USH2A: variants seen among roughly 807,000 people sequenced by gnomAD.
USH2A encodes usherin.
USH2A carries 443 observed loss-of-function variants against 538.9 expected under a neutral mutation model. The observed-to-expected ratio is 0.82, with a 90% CI of 0.76 to 0.89. USH2A has a LOEUF of 0.89. Ranked by LOEUF, USH2A falls within the 40% of genes least tolerant of loss-of-function variation. The pLI, the probability that USH2A is intolerant of heterozygous loss-of-function variation, is 0.00. For missense variants in USH2A, 6,633 were observed against 6,324.8 expected, an observed-to-expected ratio of 1.05 and a Z score of -1.65; for synonymous variants, 2,413 against 2,273.5, an observed-to-expected ratio of 1.06 and a Z score of -1.75.
intron 21 of USH2A, among the ~76,000 whole-genome samples, chr1:216,141,255 C>T (rs1434184273): frequency 6.6e-6 from 1 of 152,178 alleles, no homozygotes; most frequent in East Asian, 1.9e-4. Flanking sequence ...AAAATTGCAG[C>T]CTCTTTCAAC....
chr1:215,654,674 T>C (rs943285779), intron 64 of USH2A, among the ~76,000 whole-genome samples: 1 of 152,224 alleles, frequency 6.6e-6, no homozygotes, highest in Non-Finnish European at 1.5e-5. Context: ...GATTAACTAC[T>C]TTTAATAAGC....
intron 32 of USH2A, among the ~76,000 whole-genome samples, chr1:216,043,463 A>T (rs948409309): frequency 4.6e-5 from 7 of 152,112 alleles, no homozygotes; most frequent in Non-Finnish European, 7.4e-5. Flanking sequence ...TTGGAGATAT[A>T]TTCTTTAAAA....
intron 3 of USH2A, among the ~76,000 whole-genome samples, chr1:216,374,285 A>AC (rs1253976665): frequency 1.7e-3 from 143 of 85,190 alleles, no homozygotes; most frequent in African/African-American, 3.7e-3. Context: ...AGCAGTGCCG[A>AC]CCCAAAAAAA....
chr1:216,017,200 T>C (rs1179678741), intron 32 of USH2A, among the ~76,000 whole-genome samples: 1 of 152,014 alleles, frequency 6.6e-6, no homozygotes, highest in Non-Finnish European at 1.5e-5. Context: ...TCTCGTGTTC[T>C]CTCTCTATCT....
chr1:216,184,140 T>A (rs1041176467), intron 20 of USH2A, among the ~76,000 whole-genome samples: 1 of 152,028 alleles, frequency 6.6e-6, no homozygotes, highest in African/African-American at 2.4e-5. Flanking sequence ...ATTACCAAAT[T>A]TCTCAGACTA....
intron 11 of USH2A, among the ~76,000 whole-genome samples, chr1:216,252,109 A>G (rs183154983): frequency 4.6e-5 from 7 of 152,372 alleles, no homozygotes; most frequent in African/African-American, 1.4e-4. Flanking sequence ...TTCTTTAAGC[A>G]TCTGGTTTGA....
chr1:215,918,317 G>A (rs1356644913), intron 38 of USH2A, among the ~76,000 whole-genome samples: 1 of 152,080 alleles, frequency 6.6e-6, no homozygotes, highest in African/African-American at 2.4e-5. Flanking sequence ...CCGCCAAGGA[G>A]ATAATATTAG....
chr1:216,387,401 T>A (rs2039025915), intron 3 of USH2A, among the ~76,000 whole-genome samples: 3 of 152,196 alleles, frequency 2.0e-5, no homozygotes, highest in African/African-American at 7.2e-5. Context: ...ATATAGCTGA[T>A]CTGATGAAAA....
chr1:215,882,018 A>G (rs1477491831), intron 41 of USH2A, among the ~76,000 whole-genome samples: 1 of 152,202 alleles, frequency 6.6e-6, no homozygotes, highest in African/African-American at 2.4e-5. Context: ...TTCAGGCTTG[A>G]AAAGAGTAAC....
At chr1:216,280,327 T>A (rs2036749611) in intron 11 of USH2A, among the ~76,000 whole-genome samples, 1 of 152,106 alleles carries the variant, frequency 6.6e-6, no homozygotes, top group African/African-American at 2.4e-5. Context: ...AATTATCATC[T>A]TTTTTGGTTC....
chr1:216,342,630 A>G (rs2038096406), intron 4 of USH2A, among the ~76,000 whole-genome samples: 1 of 152,184 alleles, frequency 6.6e-6, no homozygotes, highest in Non-Finnish European at 1.5e-5. Flanking sequence ...AATGTGGTAT[A>G]TATACACCAA....
chr1:215,695,201 T>C (rs1423937619), intron 61 of USH2A, among the ~76,000 whole-genome samples: 2 of 152,346 alleles, frequency 1.3e-5, no homozygotes, highest in South Asian at 2.1e-4. Context: ...CTTGCAGAAC[T>C]CTGCAGCATG....
Position 216,374,933 on chromosome 1 carries a change from A to G in USH2A, c.652-9848T>C, listed in dbSNP as rs150774504. ...TAAGAGATGAGTGGTCTTTAGGAACAAAGATTCGGTGCTAAGTAGATTCGT... is the reference window on the plus strand; with the variant it reads ...TAAGAGATGAGTGGTCTTTAGGAACGAAGATTCGGTGCTAAGTAGATTCGT... On this transcript the variant is annotated intron_variant, in intron 3 of 71. Transcript: ENST00000307340. Among the ~76,000 whole-genome samples, 1,031 of 152,246 alleles carry G rather than the reference A, an allele frequency of 6.8e-3. 18 individuals carry two copies. The highest frequency in any genetic ancestry group is 0.024 in the African/African-American group (1,000 of 41,554).
At chr1:215,709,928 C>T (rs1287022553) in intron 61 of USH2A, among the ~76,000 whole-genome samples, 4 of 152,132 alleles carry the variant, frequency 2.6e-5, no homozygotes, top group East Asian at 1.9e-4. Flanking sequence ...CTCTGTTAAG[C>T]TTAAAGGCTA....
Position 215,728,011 on chromosome 1 carries a change from C to G in USH2A, c.12066+19G>C. ...CACCAGATAATCTGCATGTCTGTTA[C>G]TTTTCTAAAGGGTCTTACCTTCACT... On this transcript the variant is annotated intron_variant, in intron 61 of 71. Coordinates refer to ENST00000307340, the MANE Select transcript of USH2A (RefSeq NM_206933.4). 6.2e-7 allele frequency: 1 copy of G among 1,612,190 alleles called. No homozygotes were observed. The highest frequency in any genetic ancestry group is 1.1e-5 in the South Asian group (1 of 91,060).
intron 16 of USH2A, among the ~76,000 whole-genome samples, chr1:216,206,652 C>T (rs1558317121): frequency 1.3e-5 from 2 of 152,142 alleles, no homozygotes; most frequent in African/African-American, 4.8e-5. Context: ...ATGTCATGAA[C>T]ATTTTCCATT....
chr1:215,965,962 C>CACACGCAT (rs1553282015), intron 36 of USH2A, among the ~76,000 whole-genome samples: 1 of 150,384 alleles, frequency 6.6e-6, no homozygotes, highest in African/African-American at 2.5e-5. Flanking sequence ...CACACACACA[C>CACACGCAT]GCATGCATAC....
chr1:216,222,519 G>C (rs1046191298), intron 14 of USH2A, among the ~76,000 whole-genome samples: 4 of 152,158 alleles, frequency 2.6e-5, no homozygotes, highest in African/African-American at 7.2e-5. Context: ...AGGATTTTGA[G>C]ATGGGGAGAT....
chr1:215,686,614 G>A (rs958481199), intron 61 of USH2A, among the ~76,000 whole-genome samples: 1 of 152,034 alleles, frequency 6.6e-6, no homozygotes, highest in South Asian at 2.1e-4. Flanking sequence ...AAAAATTTAA[G>A]ACCTAATTAT....
Sources: gnomAD v4.1 joint callset for allele counts (sites outside exome capture counted in the v4.1 genomes callset) on GRCh38, gnomAD v4.1.1 for gene constraint, MANE v1.5 for transcripts, NCBI Gene and HGNC (gene_info 2026-07-23, HGNC 2026-07-21) for gene names.